Variants in SARDH observed in about 807,000 individuals in gnomAD.
SARDH encodes sarcosine dehydrogenase, also known as sarcosine dehydrogenase, mitochondrial.
A neutral mutation model predicts 109.1 loss-of-function variants in SARDH; 95 were observed. That is an observed-to-expected ratio of 0.87 (90% CI 0.74 to 1.03). SARDH has a LOEUF of 1.03. Among genes scored for constraint, SARDH ranks in the 50% least tolerant of loss-of-function variants. SARDH has a pLI of 0.00. For missense variants in SARDH, 1,267 were observed against 1,287.8 expected (o/e 0.98, Z 0.25); for synonymous variants, 572 against 534.8 (o/e 1.07, Z -0.96).
intron 17 of SARDH, among the ~76,000 whole-genome samples, chr9:133,672,072 T>A (rs969110386): frequency 6.6e-6 from 1 of 152,182 alleles, no homozygotes; most frequent in Non-Finnish European, 1.5e-5. Flanking sequence ...AAAATCACCA[T>A]GTGGGCAAGC....
At chr9:133,725,453 G>A (rs1239167701) in intron 6 of SARDH, 1 of 368,382 alleles carries the variant, frequency 2.7e-6, no homozygotes, top group Admixed American at 3.2e-5. Flanking sequence ...TGGGTGGATT[G>A]CCTGAGCTCA....
intron 10 of SARDH, among the ~76,000 whole-genome samples, chr9:133,710,205 G>T (rs1050346105): frequency 2.0e-5 from 3 of 152,236 alleles, no homozygotes; most frequent in African/African-American, 7.2e-5. Flanking sequence ...CATGAGCCTC[G>T]AGTGCGCTCC....
Position 133,704,754 on chromosome 9 carries a change from G to A in SARDH, c.1554+194C>T, listed in dbSNP as rs1831622856. On this transcript the variant is annotated intron_variant, in intron 12 of 20. Transcript: ENST00000439388. This position sits in a 1 kb window ranked among gnomAD's most constrained non-coding sequence, Gnocchi z 4.5. ...GACGAGGAGTGGGAATTGCGTGAAC[G>A]GCACAAAGAATGCACTGAGCCTTGG... Among the ~76,000 whole-genome samples, 1 of 152,176 alleles carries A rather than the reference G, an allele frequency of 6.6e-6. No individual in the cohort carries two copies. The highest frequency in any genetic ancestry group is 1.9e-4 in the East Asian group (1 of 5,192).
rs958926875 is a variant in SARDH at position 133,709,901 on chromosome 9, A to G, written c.1329-1473T>C. ...ACACCTGCGCCAGGCTATGCTGACC[A>G]GGAGCTGAAGGAGGGGGTGATGGAG... On this transcript the variant is annotated intron_variant, in intron 10 of 20. Transcript: ENST00000439388. The surrounding 1 kb of genome is among the most constrained non-coding windows in gnomAD (Gnocchi z 4.2). Among the ~76,000 whole-genome samples, 5 of 152,138 alleles carry G rather than the reference A, an allele frequency of 3.3e-5. No homozygotes were observed. The highest frequency in any genetic ancestry group is 1.2e-4 in the African/African-American group (5 of 41,428).
upstream of SARDH, among the ~76,000 whole-genome samples, chr9:133,738,654 C>A (rs1287579591): frequency 6.6e-6 from 1 of 152,256 alleles, no homozygotes; most frequent in African/African-American, 2.4e-5. Context: ...GCCCGAGCTC[C>A]CCGCGCCCAG....
chr9:133,709,350 C>A lies in SARDH; in HGVS notation c.1329-922G>T, dbSNP rs488013. On this transcript the variant is annotated intron_variant, in intron 10 of 20. Coordinates refer to ENST00000439388, the MANE Select transcript of SARDH (RefSeq NM_001134707.2). This position sits in a 1 kb window ranked among gnomAD's most constrained non-coding sequence, Gnocchi z 4.2. Reference sequence around the variant, plus strand: ...TCAGACCAGCCACCCGTCCCGAATCCGACAGTGCGGAACTGCTGGCTGGAG... The same window carrying A: ...TCAGACCAGCCACCCGTCCCGAATCAGACAGTGCGGAACTGCTGGCTGGAG... Among the ~76,000 whole-genome samples, 91,711 of 151,882 alleles carry A rather than the reference C, an allele frequency of 0.6. 28,130 individuals are homozygous for A. The highest frequency in any genetic ancestry group is 0.73 in the South Asian group (3,537 of 4,814).
rs536713223 is a variant in SARDH at position 133,686,349 on chromosome 9, G to A, written c.2070-1063C>T. 6.6e-6 allele frequency among the ~76,000 whole-genome samples: 1 copy of A among 151,866 alleles called. No homozygotes were observed. The highest frequency in any genetic ancestry group is 1.5e-5 in the Non-Finnish European group (1 of 67,954). On this transcript the variant is annotated intron_variant, in intron 16 of 20. Coordinates refer to ENST00000439388, the MANE Select transcript of SARDH (RefSeq NM_001134707.2). This position sits in a 1 kb window ranked among gnomAD's most constrained non-coding sequence, Gnocchi z 4.0. Reference sequence around the variant, plus strand: ...AGGCCTAGCCCTCTTGTGCCCCTTCGCATTCTCACCCCTTCCCCTGTCACC... The same window carrying A: ...AGGCCTAGCCCTCTTGTGCCCCTTCACATTCTCACCCCTTCCCCTGTCACC...
chr9:133,659,951 G>A (rs952920617), downstream of SARDH, among the ~76,000 whole-genome samples: 7 of 152,072 alleles, frequency 4.6e-5, no homozygotes, highest in African/African-American at 1.7e-4. Flanking sequence ...TGCCGATCTC[G>A]GGCAGGGAAA....
chr9:133,710,201 C>A lies in SARDH; in HGVS notation c.1329-1773G>T, dbSNP rs75736265. Among the ~76,000 whole-genome samples, 586 of 152,388 alleles carry A rather than the reference C, an allele frequency of 3.8e-3. 2 individuals are homozygous for A. Among genetic ancestry groups the A allele is most frequent in the African/African-American group, 0.013 (558 of 41,600 alleles). On this transcript the variant is annotated intron_variant, in intron 10 of 20. Coordinates refer to ENST00000439388, the MANE Select transcript of SARDH (RefSeq NM_001134707.2). Reference sequence around the variant, plus strand: ...TGGGCCAAGCGTCCACACGCATGAGCCTCGAGTGCGCTCCAAGAGGGTGGT... The same window carrying A: ...TGGGCCAAGCGTCCACACGCATGAGACTCGAGTGCGCTCCAAGAGGGTGGT...
intron 4 of SARDH, 147 bp downstream of exon 4, chr9:133,731,158 C>T (rs1832666391): frequency 5.9e-6 from 6 of 1,020,898 alleles, no homozygotes; most frequent in Non-Finnish European, 5.6e-6. Flanking sequence ...CAGGAGTGGA[C>T]CAGAAGGCTC....
chr9:133,675,935 A>T (rs895608864), intron 17 of SARDH, among the ~76,000 whole-genome samples: 7 of 152,110 alleles, frequency 4.6e-5, no homozygotes, highest in African/African-American at 1.7e-4. Flanking sequence ...TACAAAAAAA[A>T]TTTTAGAATT....
intron 14 of SARDH, among the ~76,000 whole-genome samples, chr9:133,694,881 C>T (rs1476346716): frequency 6.6e-6 from 1 of 151,992 alleles, no homozygotes; most frequent in Non-Finnish European, 1.5e-5. Flanking sequence ...TATGGAGAAA[C>T]AGGGATGTGT....
intron 13 of SARDH, among the ~76,000 whole-genome samples, chr9:133,700,733 ACG>A (rs111293061): frequency 0.39 from 58,254 of 151,122 alleles, 11,422 homozygotes; most frequent in East Asian, 0.44. Context: ...ACACACACGC[ACG>A]CGCACACACA....
At chr9:133,725,211 G>A (rs1051120534) in intron 6 of SARDH, among the ~76,000 whole-genome samples, 1 of 152,196 alleles carries the variant, frequency 6.6e-6, no homozygotes, top group Non-Finnish European at 1.5e-5. Flanking sequence ...TGGGGACAGG[G>A]TGGGAAATGG....
intron 4 of SARDH, among the ~76,000 whole-genome samples, chr9:133,731,073 T>A (rs1223870906): frequency 6.6e-6 from 1 of 152,242 alleles, no homozygotes; most frequent in African/African-American, 2.4e-5. Context: ...GATTTGCTTG[T>A]GCAGCAGAGG....
At chr9:133,676,376 C>T (rs553972005) in intron 17 of SARDH, among the ~76,000 whole-genome samples, 4 of 152,224 alleles carry the variant, frequency 2.6e-5, no homozygotes, top group African/African-American at 9.6e-5. Flanking sequence ...AGGGAATTGC[C>T]TCAATGGGGA....
intron 2 of SARDH, among the ~76,000 whole-genome samples, chr9:133,732,899 G>A (rs1832738310): frequency 6.6e-6 from 1 of 152,184 alleles, no homozygotes; most frequent in South Asian, 2.1e-4. Context: ...CTATGAGGAG[G>A]GCGTGATTCT....
chr9:133,702,879 G>A, intron 13 of SARDH, 37 bp downstream of exon 13: 1 of 1,589,910 alleles, frequency 6.3e-7, no homozygotes. Context: ...GGGACAGGCA[G>A]AAGGACGGAC....
chr9:133,724,120 A>G (rs770584519), intron 6 of SARDH, among the ~76,000 whole-genome samples: 2 of 152,180 alleles, frequency 1.3e-5, no homozygotes, highest in African/African-American at 2.4e-5. Flanking sequence ...AAAATTTAAA[A>G]CTTGTGCTAC....
Sources: allele counts gnomAD v4.1 joint callset (sites outside exome capture counted in the v4.1 genomes callset), GRCh38; gene constraint gnomAD v4.1.1; non-coding constraint Gnocchi (gnomAD v3.1); transcripts MANE v1.5; gene names NCBI Gene and HGNC (gene_info 2026-07-23, HGNC 2026-07-21).